The following LAMA3 variants were observed in gnomAD, a reference collection of about 807,000 sequenced individuals.
LAMA3 encodes the protein laminin subunit alpha 3, also known as laminin subunit alpha-3.
Under a neutral mutation model 402.0 loss-of-function variants are expected in LAMA3, and 281 were observed. The ratio of observed to expected loss-of-function variants is 0.70; its 90% CI spans 0.63 to 0.77. The LOEUF (loss-of-function observed/expected upper bound fraction) is 0.77, where lower values mean the gene tolerates loss of function less well. LAMA3 is among the 30% of genes least tolerant of loss of function. LAMA3 has a pLI of 0.00. For synonymous variants in LAMA3, 1,431 were observed against 1,558.4 expected, an observed-to-expected ratio of 0.92 and a Z score of 1.93; for missense variants, 3,840 against 4,215.5, an observed-to-expected ratio of 0.91 and a Z score of 2.47.
At chr18:23,878,043 G>A (rs2064779563) in intron 39 of LAMA3, among the ~76,000 whole-genome samples, 1 of 152,168 alleles carries the variant, frequency 6.6e-6, no homozygotes, top group Non-Finnish European at 1.5e-5. Flanking sequence ...AACCCAGGAG[G>A]CGGAGCTTGC....
intron 55 of LAMA3, 81 bp from the exon 56 acceptor site, chr18:23,912,630 A>G: frequency 8.7e-7 from 1 of 1,143,210 alleles, no homozygotes; most frequent in Non-Finnish European, 1.3e-6. Context: ...ATACATGGCT[A>G]CGAGTCACAA....
intron 12 of LAMA3, among the ~76,000 whole-genome samples, chr18:23,795,656 G>C (rs1038310802): frequency 1.6e-4 from 25 of 151,940 alleles, no homozygotes; most frequent in Non-Finnish European, 4.4e-5. Context: ...ATAACTTCTT[G>C]GCAGTAATAG....
intron 37 of LAMA3, 114 bp downstream of exon 37, chr18:23,868,031 A>G: frequency 2.3e-6 from 2 of 873,462 alleles, no homozygotes; most frequent in Non-Finnish European, 3.7e-6. Context: ...TATTTATATA[A>G]ATATGTTTAT....
chr18:23,815,307 G>A (rs749140829), intron 16 of LAMA3, 67 bp downstream of exon 16: 13 of 1,495,222 alleles, frequency 8.7e-6, no homozygotes, highest in Admixed American at 5.2e-5. Context: ...GGGGTTTCTG[G>A]GGGCGTGTGT....
At chr18:23,946,118 A>G (rs2082700890) in intron 69 of LAMA3, 26 bp from the exon 70 acceptor site, 2 of 1,608,116 alleles carry the variant, frequency 1.2e-6, no homozygotes, top group Admixed American at 1.7e-5. Flanking sequence ...TAAAAATACA[A>G]CTCACGTATC....
At chr18:23,712,390 A>G (rs936707520) in intron 1 of LAMA3, among the ~76,000 whole-genome samples, 1 of 151,908 alleles carries the variant, frequency 6.6e-6, no homozygotes, top group Non-Finnish European at 1.5e-5. Flanking sequence ...AAAAAAAAAA[A>G]AAAAAAAGTT....
intron 67 of LAMA3, among the ~76,000 whole-genome samples, chr18:23,937,090 G>T (rs2082333246): frequency 6.6e-6 from 1 of 152,192 alleles, no homozygotes; most frequent in Admixed American, 6.5e-5. Flanking sequence ...GGCTGGCTGG[G>T]CAAGGTGGGT....
rs570674703 is a variant in LAMA3 at position 23,709,298 on chromosome 18, C to G, written c.295-4622C>G. Among the ~76,000 whole-genome samples, 3 of 152,300 alleles carry G rather than the reference C, an allele frequency of 2.0e-5. No homozygotes were observed. In the South Asian group the frequency reaches 6.2e-4, roughly 32 times the overall value. ...ATGTTGCCGAGGCTGCTCTCGAACT[C>G]CTGGGCTCAAGCAATCTGCCCATCT... is the stretch of plus-strand genomic sequence containing the variant. On this transcript the variant is annotated intron_variant, in intron 1 of 74. Transcript: ENST00000313654.
intron 6 of LAMA3, among the ~76,000 whole-genome samples, chr18:23,757,574 C>G (rs1303766404): frequency 6.6e-6 from 1 of 151,522 alleles, no homozygotes; most frequent in Non-Finnish European, 1.5e-5. Context: ...GCTCATCCAT[C>G]GAATCTTCTG....
intron 67 of LAMA3, among the ~76,000 whole-genome samples, chr18:23,938,724 G>A (rs2082388963): frequency 6.6e-6 from 1 of 151,926 alleles, no homozygotes; most frequent in African/African-American, 2.4e-5. Context: ...GCTCAGTGGT[G>A]GAAAGGGGCA....
intron 31 of LAMA3, 56 bp downstream of exon 31, chr18:23,846,564 T>C (rs2063821554): frequency 9.4e-6 from 14 of 1,492,422 alleles, no homozygotes; most frequent in Non-Finnish European, 1.3e-5. Context: ...TGGATGATGC[T>C]TACCAGGAGC....
chr18:23,813,667 G>A (rs745360546), intron 14 of LAMA3, among the ~76,000 whole-genome samples: 3 of 146,440 alleles, frequency 2.0e-5, no homozygotes, highest in East Asian at 2.1e-4. Flanking sequence ...CTCAGCCTCC[G>A]AGTAACTGGG....
chr18:23,815,984 G>A (rs1469085006), intron 17 of LAMA3, among the ~76,000 whole-genome samples: 1 of 151,994 alleles, frequency 6.6e-6, no homozygotes, highest in East Asian at 1.9e-4. Flanking sequence ...TCTCTCGCTC[G>A]GCCCCTGGTT....
chr18:23,884,752 C>G, intron 40 of LAMA3, 21 bp from the exon 41 acceptor site: 1 of 1,606,212 alleles, frequency 6.2e-7, no homozygotes, highest in South Asian at 1.1e-5. Flanking sequence ...TTGATGGGGC[C>G]TTTTTCTGTC....
At chr18:23,799,326 A>T (rs1469120466) in intron 12 of LAMA3, among the ~76,000 whole-genome samples, 5 of 152,226 alleles carry the variant, frequency 3.3e-5, no homozygotes, top group Non-Finnish European at 1.5e-5. Flanking sequence ...ATATTTTTAA[A>T]GCCTTATAGT....
intron 32 of LAMA3, among the ~76,000 whole-genome samples, chr18:23,849,909 G>C (rs932813095): frequency 3.3e-5 from 5 of 152,178 alleles, no homozygotes; most frequent in Admixed American, 3.3e-4. Flanking sequence ...AAAGGGCCTT[G>C]TCAGAAAATG....
At chr18:23,703,209 C>T (rs1305809203) in intron 1 of LAMA3, among the ~76,000 whole-genome samples, 3 of 152,288 alleles carry the variant, frequency 2.0e-5, no homozygotes, top group South Asian at 2.1e-4. Context: ...AGTCCAGAAG[C>T]GTCTGCATTT....
chr18:23,797,492 C>A lies in LAMA3; in HGVS notation c.1604-12874C>A, dbSNP rs939963270. On this transcript the variant is annotated intron_variant, in intron 12 of 74. Transcript: ENST00000313654. The stretch of plus-strand genomic sequence containing the variant: ...ACTTTGGGAGGCCAAGTTTGGTGCA[C>A]CACCTGAGGTCAGGAGTTCTAGACC... Among the ~76,000 whole-genome samples, 14 of 152,232 alleles carry A rather than the reference C, an allele frequency of 9.2e-5. No homozygotes were observed. In the East Asian group the frequency reaches 2.3e-3, roughly 25 times the overall value.
intron 17 of LAMA3, 133 bp from the exon 18 acceptor site, chr18:23,816,255 G>A: frequency 1.4e-6 from 1 of 731,860 alleles, no homozygotes; most frequent in Non-Finnish European, 2.5e-6. Context: ...ACACTTGCCA[G>A]ACAGATGTGG....
Sources: gnomAD v4.1 joint callset for allele counts (sites outside exome capture counted in the v4.1 genomes callset) on GRCh38, gnomAD v4.1.1 for gene constraint, MANE v1.5 for transcripts, NCBI Gene and HGNC (gene_info 2026-07-23, HGNC 2026-07-21) for gene names.